The following STK33 variants were observed in gnomAD, a reference collection of about 807,000 sequenced individuals.
The protein encoded by STK33 is serine/threonine-protein kinase 33.
In STK33, 52 loss-of-function variants were observed where a neutral mutation model predicts 58.0. That is an observed-to-expected ratio of 0.90 (90% CI 0.72 to 1.13). The LOEUF (loss-of-function observed/expected upper bound fraction) is 1.13, where lower values mean the gene tolerates loss of function less well. STK33 is among the 50% of genes most tolerant of loss of function. The pLI is 0.00. For synonymous variants in STK33, 215 were observed against 200.1 expected, an observed-to-expected ratio of 1.07 and a Z score of -0.63; for missense variants, 630 against 604.2, an observed-to-expected ratio of 1.04 and a Z score of -0.45.
intron 1 of STK33, among the ~76,000 whole-genome samples, chr11:8,584,228 A>G (rs10840079): frequency 0.56 from 85,742 of 151,876 alleles, 24,460 homozygotes; most frequent in Admixed American, 0.59. Context: ...GCAAATAGCT[A>G]TCATACCCTC....
At chr11:8,566,999 GGGT>G (rs1957493221) in intron 1 of STK33, among the ~76,000 whole-genome samples, 2 of 152,124 alleles carry the variant, frequency 1.3e-5, no homozygotes, top group African/African-American at 4.8e-5. Flanking sequence ...AAATTAGCTG[GGGT>G]GGTTGTGTGT....
chr11:8,465,089 A>C, intron 6 of STK33: 1 of 255,452 alleles, frequency 3.9e-6, no homozygotes, highest in South Asian at 8.6e-5. Context: ...AAAGTATAAA[A>C]ATGAATCTCT....
intron 15 of STK33, among the ~76,000 whole-genome samples, chr11:8,399,853 A>G (rs1850069978): frequency 6.6e-6 from 1 of 152,256 alleles, no homozygotes; most frequent in East Asian, 1.9e-4. Flanking sequence ...CTATGCAAAT[A>G]AACTAGAAAA....
At chr11:8,425,800 G>C (rs560414171) in intron 14 of STK33, among the ~76,000 whole-genome samples, 2 of 152,214 alleles carry the variant, frequency 1.3e-5, no homozygotes, top group East Asian at 1.9e-4. Flanking sequence ...TTTTTGAAAA[G>C]GGAAAAGTTC....
chr11:8,566,971 T>A (rs890002002), intron 1 of STK33, among the ~76,000 whole-genome samples: 2 of 151,936 alleles, frequency 1.3e-5, no homozygotes, highest in African/African-American at 4.8e-5. Context: ...AAACCCCAAC[T>A]CTACTGAAAA....
At chr11:8,337,644 GC>G in the STK33 span, among the ~76,000 whole-genome samples, 281 of 114,560 alleles carry the variant, frequency 2.5e-3, 2 homozygotes, top group South Asian at 8.8e-3. Flanking sequence ...ACGGCGGGGG[GC>G]GGGGGGGGGG....
intron 15 of STK33, among the ~76,000 whole-genome samples, chr11:8,410,467 T>TTTC (rs1940026282): frequency 8.7e-6 from 1 of 114,910 alleles, no homozygotes; most frequent in African/African-American, 3.9e-5. Context: ...TTTCTTTTCT[T>TTTC]TTCTTTTTTT....
At chr11:8,368,798 G>A in the STK33 span, among the ~76,000 whole-genome samples, 4 of 152,182 alleles carry the variant, frequency 2.6e-5, no homozygotes, top group African/African-American at 4.8e-5. Context: ...CATTTCCCCC[G>A]GGGAGGGCCC....
intron 1 of STK33, among the ~76,000 whole-genome samples, chr11:8,491,778 G>A (rs1425728671): frequency 6.6e-6 from 1 of 152,196 alleles, no homozygotes. Context: ...AGAAGAGAGT[G>A]AGAGCCAATA....
chr11:8,583,543 G>T (rs566176797), intron 1 of STK33, among the ~76,000 whole-genome samples: 3 of 152,080 alleles, frequency 2.0e-5, no homozygotes, highest in African/African-American at 7.2e-5. Context: ...AGAAAGATAC[G>T]GGGAGGGTGG....
intron 11 of STK33, among the ~76,000 whole-genome samples, chr11:8,444,374 C>G (rs1311980279): frequency 6.6e-6 from 1 of 152,082 alleles, no homozygotes; most frequent in Non-Finnish European, 1.5e-5. Context: ...TGCTCTAAAA[C>G]ATCAGATTTA....
At chr11:8,365,323 A>T in the STK33 span, among the ~76,000 whole-genome samples, 2 of 152,148 alleles carry the variant, frequency 1.3e-5, no homozygotes, top group Non-Finnish European at 2.9e-5. Context: ...GGGGCTAGGA[A>T]GCTGACGGGG....
chr11:8,359,172 T>C, the STK33 span, among the ~76,000 whole-genome samples: 88,772 of 151,988 alleles, frequency 0.58, 26,251 homozygotes, highest in Middle Eastern at 0.69. Flanking sequence ...GAGTGAGATG[T>C]GTGACCCCAA....
chr11:8,435,665 A>G (rs1943972739), intron 13 of STK33, 86 bp from the exon 14 acceptor site: 17 of 694,916 alleles, frequency 2.4e-5, no homozygotes, highest in Admixed American at 3.5e-5. Context: ...TTAGGTCAGT[A>G]TAACAGGAAA....
chr11:8,404,066 C>T (rs1046070175), intron 15 of STK33, among the ~76,000 whole-genome samples: 8 of 152,324 alleles, frequency 5.3e-5, no homozygotes, highest in African/African-American at 1.4e-4. Flanking sequence ...AAGTTTAATG[C>T]TATAGTTTTG....
At chr11:8,458,189 A>G (rs1186505501) in intron 8 of STK33, among the ~76,000 whole-genome samples, 1 of 152,222 alleles carries the variant, frequency 6.6e-6, no homozygotes, top group Non-Finnish European at 1.5e-5. Context: ...AACCTTTGCT[A>G]TAGAGATCAG....
chr11:8,482,320 G>C (rs548242034), intron 1 of STK33, among the ~76,000 whole-genome samples: 44 of 152,312 alleles, frequency 2.9e-4, no homozygotes, highest in African/African-American at 1.0e-3. Context: ...CTATAAGTCT[G>C]ACCAGTAAGA....
At chr11:8,428,237 C>T (rs988668730) in intron 14 of STK33, among the ~76,000 whole-genome samples, 2 of 152,234 alleles carry the variant, frequency 1.3e-5, no homozygotes, top group African/African-American at 2.4e-5. Context: ...TTTTCCTTGG[C>T]TTCTCATTCA....
At chr11:8,574,733 C>T (rs1352847377) in intron 1 of STK33, among the ~76,000 whole-genome samples, 2 of 151,982 alleles carry the variant, frequency 1.3e-5, no homozygotes, top group African/African-American at 2.4e-5. Context: ...AAACTAAATC[C>T]TCTAATATAT....
Sources: allele counts gnomAD v4.1 joint callset (sites outside exome capture counted in the v4.1 genomes callset), GRCh38; gene constraint gnomAD v4.1.1; transcripts MANE v1.5; gene names NCBI Gene and HGNC (gene_info 2026-07-23, HGNC 2026-07-21).